Variants in NTRK2 observed in about 807,000 individuals in gnomAD.
The protein encoded by NTRK2 is BDNF/NT-3 growth factors receptor.
NTRK2 carries 13 observed loss-of-function variants against 94.5 expected under a neutral mutation model. The observed-to-expected ratio is 0.14, with a 90% CI of 0.09 to 0.22. The LOEUF (loss-of-function observed/expected upper bound fraction) is 0.22, where lower values mean the gene tolerates loss of function less well. NTRK2 is among the 10% of genes least tolerant of loss of function. NTRK2 has a pLI of 1.00. For missense variants in NTRK2, 639 were observed against 1,071.2 expected, an observed-to-expected ratio of 0.60 and a Z score of 5.63; for synonymous variants, 372 against 407.4, an observed-to-expected ratio of 0.91 and a Z score of 1.05.
intron 12 of NTRK2, among the ~76,000 whole-genome samples, chr9:84,829,290 C>A (rs960370143): frequency 6.6e-6 from 1 of 152,134 alleles, no homozygotes; most frequent in Non-Finnish European, 1.5e-5. Context: ...CAAGCCACAG[C>A]GCCTGGCCCA....
intron 2 of NTRK2, among the ~76,000 whole-genome samples, chr9:84,676,751 G>A (rs184069081): frequency 3.5e-4 from 54 of 152,190 alleles, no homozygotes; most frequent in East Asian, 3.5e-3. Context: ...AGGTTGGTGC[G>A]AAAGTAACTG....
intron 12 of NTRK2, among the ~76,000 whole-genome samples, chr9:84,756,239 A>G (rs1351156975): frequency 2.6e-5 from 4 of 152,208 alleles, no homozygotes; most frequent in African/African-American, 9.6e-5. Context: ...GAACAGCTCC[A>G]TTGCCAAAGG....
chr9:84,996,253 A>C (rs1406113875), intron 17 of NTRK2, among the ~76,000 whole-genome samples: 1 of 152,210 alleles, frequency 6.6e-6, no homozygotes, highest in African/African-American at 2.4e-5. Flanking sequence ...GCACTCTGAA[A>C]TTTATTAGTG....
intron 14 of NTRK2, among the ~76,000 whole-genome samples, chr9:84,890,046 A>G (rs2076550175): frequency 6.6e-6 from 1 of 152,240 alleles, no homozygotes; most frequent in Non-Finnish European, 1.5e-5. Flanking sequence ...CTTTGCTTAC[A>G]TGAGTAAAAT....
intron 12 of NTRK2, among the ~76,000 whole-genome samples, chr9:84,859,009 T>C (rs2075202853): frequency 6.6e-6 from 1 of 152,216 alleles, no homozygotes; most frequent in Non-Finnish European, 1.5e-5. Flanking sequence ...TAATTTCTCA[T>C]GTAAACAAAG....
chr9:84,693,296 T>G (rs2131576764), intron 2 of NTRK2, among the ~76,000 whole-genome samples: 1 of 152,274 alleles, frequency 6.6e-6, no homozygotes, highest in East Asian at 1.9e-4. Context: ...GCTCTGGCAA[T>G]AAGTTAAATT....
At position 84,903,070 on chromosome 9, in the gene NTRK2, C is replaced by T. The variant is rs930986115; in HGVS notation, c.1634-31092C>T. The stretch of plus-strand genomic sequence containing the variant: ...AGTTTTTGATTTTTACTGTACTGCT[C>T]GTTTGAAAATCTGTACACGTAACTA... On this transcript the variant is annotated intron_variant, in intron 14 of 18. Transcript: ENST00000277120. Among the ~76,000 whole-genome samples, 10 of 152,200 alleles carry T rather than the reference C, an allele frequency of 6.6e-5. No homozygotes were observed. The East Asian group carries it at 1.5e-3, about 24-fold the overall frequency.
chr9:84,964,073 GTTT>G lies in NTRK2; in HGVS notation c.2172+8558_2172+8560del, dbSNP rs777550111. 5.3e-5 allele frequency among the ~76,000 whole-genome samples: 8 copies of G among 152,134 alleles called. No individual in the cohort carries two copies. The East Asian group carries it at 9.6e-4, about 18-fold the overall frequency. ...TCCTTAACCAGGTTCCGTTGATTGA[GTTT>G]TCTCCTTATTGTGGGTCATATTTTC... On this transcript the variant is annotated intron_variant, in intron 17 of 18. Coordinates refer to ENST00000277120, the MANE Select transcript of NTRK2 (RefSeq NM_006180.6).
intron 17 of NTRK2, among the ~76,000 whole-genome samples, chr9:85,011,381 G>T (rs1311126309): frequency 6.6e-6 from 1 of 152,126 alleles, no homozygotes; most frequent in Non-Finnish European, 1.5e-5. Flanking sequence ...CTGAATATTT[G>T]TGCCCCTCAA....
At position 84,890,146 on chromosome 9, in the gene NTRK2, A is replaced by G. The variant is rs919892317; in HGVS notation, c.1633+22715A>G. 5.3e-5 allele frequency among the ~76,000 whole-genome samples: 8 copies of G among 152,196 alleles called. No homozygotes were observed. In the East Asian group the frequency reaches 1.5e-3, roughly 29 times the overall value. On this transcript the variant is annotated intron_variant, in intron 14 of 18. Coordinates refer to ENST00000277120, the MANE Select transcript of NTRK2 (RefSeq NM_006180.6). ...TCTAGCATGAGGCTTGGCATGTTGT[A>G]GTCAGTAGCCATCAGTCCTGCTCTC... is the stretch of plus-strand genomic sequence containing the variant.
At chr9:84,798,022 A>G (rs1183193394) in intron 12 of NTRK2, among the ~76,000 whole-genome samples, 2 of 149,824 alleles carry the variant, frequency 1.3e-5, no homozygotes, top group Admixed American at 6.8e-5. Flanking sequence ...TGCCGCTATA[A>G]CAAAGTATCA....
intron 5 of NTRK2, among the ~76,000 whole-genome samples, chr9:84,709,018 C>G (rs1169378231): frequency 6.6e-6 from 1 of 152,172 alleles, no homozygotes; most frequent in Admixed American, 6.5e-5. Context: ...AAATTTATGT[C>G]TCAATATTCT....
intron 17 of NTRK2, among the ~76,000 whole-genome samples, chr9:84,988,055 C>G (rs1490537893): frequency 6.6e-6 from 1 of 152,162 alleles, no homozygotes; most frequent in African/African-American, 2.4e-5. Flanking sequence ...ATAGTTCCAC[C>G]CTAGGAGCAC....
chr9:84,668,701 G>C (rs2131233203), upstream of NTRK2: 1 of 152,344 alleles, frequency 6.6e-6, no homozygotes, highest in East Asian at 1.9e-4. Flanking sequence ...TGGCTTCTTC[G>C]TAGCTGGATG....
intron 14 of NTRK2, among the ~76,000 whole-genome samples, chr9:84,897,076 G>A (rs1187827943): frequency 1.3e-5 from 2 of 152,190 alleles, no homozygotes; most frequent in South Asian, 2.1e-4. Flanking sequence ...GTGGCTCCTC[G>A]TGGCTAGACA....
Position 84,994,100 on chromosome 9 carries a change from A to C in NTRK2, c.2173-26106A>C, listed in dbSNP as rs545176788. On this transcript the variant is annotated intron_variant, in intron 17 of 18. Transcript: ENST00000277120. ...CACTAAAGGGTTACTTCCAAGCGCAACATGGAGACTTTCACCCACCAAGAA... is the reference window on the plus strand; with the variant it reads ...CACTAAAGGGTTACTTCCAAGCGCACCATGGAGACTTTCACCCACCAAGAA... 2.9e-3 allele frequency among the ~76,000 whole-genome samples: 445 copies of C among 152,316 alleles called. 3 individuals carry two copies. Among genetic ancestry groups the C allele is most frequent in the Non-Finnish European group, 3.6e-3 (247 of 68,028 alleles).
chr9:84,789,313 C>T (rs892088918), intron 12 of NTRK2, among the ~76,000 whole-genome samples: 4 of 152,124 alleles, frequency 2.6e-5, no homozygotes, highest in Admixed American at 6.5e-5. Context: ...TGGGGAACAG[C>T]CAGAAGCCTC....
chr9:84,994,017 T>G (rs1829421610), intron 17 of NTRK2, among the ~76,000 whole-genome samples: 3 of 152,176 alleles, frequency 2.0e-5, no homozygotes, highest in Admixed American at 2.0e-4. Context: ...TTACAAAAAC[T>G]GAAGTATTTT....
rs564333689 is a variant in NTRK2 at position 84,921,771 on chromosome 9, T to C, written c.1634-12391T>C. On this transcript the variant is annotated intron_variant, in intron 14 of 18. Coordinates refer to ENST00000277120, the MANE Select transcript of NTRK2 (RefSeq NM_006180.6). The stretch of plus-strand genomic sequence containing the variant: ...ATAGTGCAAGCTAAATCCTCCTCTA[T>C]GTAGTGGGGAATTAATAAGTGAGAA... 3.9e-5 allele frequency among the ~76,000 whole-genome samples: 6 copies of C among 152,282 alleles called. No individual in the cohort carries two copies. In the East Asian group the frequency reaches 1.2e-3, roughly 29 times the overall value.
Sources: gnomAD v4.1 joint callset for allele counts (sites outside exome capture counted in the v4.1 genomes callset) on GRCh38, gnomAD v4.1.1 for gene constraint, MANE v1.5 for transcripts, NCBI Gene and HGNC (gene_info 2026-07-23, HGNC 2026-07-21) for gene names.